Variants in HEXB observed in about 807,000 individuals in gnomAD.
HEXB encodes hexosaminidase subunit beta.
Under a neutral mutation model 71.2 loss-of-function variants are expected in HEXB, and 51 were observed. That is an observed-to-expected ratio of 0.72 (90% CI 0.57 to 0.90). The LOEUF is 0.90. Among genes scored for constraint, HEXB ranks in the 40% least tolerant of loss-of-function variants. The pLI is 0.00. For missense variants in HEXB, 617 were observed against 677.0 expected (o/e 0.91, Z 0.98); for synonymous variants, 266 against 249.3 (o/e 1.07, Z -0.63).
chr5:74,674,170 T>G (rs1224644145), intron 1 of HEXB, among the ~76,000 whole-genome samples: 1 of 152,244 alleles, frequency 6.6e-6, no homozygotes, highest in Non-Finnish European at 1.5e-5. Context: ...TAGGCCATGT[T>G]TCTTTTTGAG....
intron 1 of HEXB, among the ~76,000 whole-genome samples, chr5:74,655,112 AG>A (rs5868749): frequency 0.26 from 39,279 of 151,852 alleles, 5,379 homozygotes; most frequent in Admixed American, 0.37. Flanking sequence ...GCACTGGGAA[AG>A]CCACACTAGT....
At chr5:74,650,581 T>C (rs1748083591) in intron 1 of HEXB, among the ~76,000 whole-genome samples, 1 of 152,156 alleles carries the variant, frequency 6.6e-6, no homozygotes, top group Admixed American at 6.5e-5. Flanking sequence ...GTACTGAGTG[T>C]GCCTCCATGT....
chr5:74,663,721 A>G lies in HEXB; in HGVS notation c.-377+23163A>G, dbSNP rs545802562. 1.4e-3 allele frequency among the ~76,000 whole-genome samples: 220 copies of G among 152,376 alleles called. 3 individuals carry two copies. Among genetic ancestry groups the G allele is most frequent in the Non-Finnish European group, 2.0e-3 (139 of 68,036 alleles). ...GATCAATCCTATCCATTACATATAG[A>G]TCAAGGGGAAAGAAATTAGTGAATT... On this transcript the variant is annotated intron_variant, in intron 1 of 13. Transcript: ENST00000511181.
chr5:74,645,349 G>A (rs1214992869), intron 1 of HEXB, among the ~76,000 whole-genome samples: 1 of 152,138 alleles, frequency 6.6e-6, no homozygotes, highest in African/African-American at 2.4e-5. Context: ...CTGCAAGCGG[G>A]TGCCATGGTA....
chr5:74,715,348 CCTT>C (rs1351409971), intron 7 of HEXB, among the ~76,000 whole-genome samples, 159 bp from the exon 8 acceptor site: 2 of 152,070 alleles, frequency 1.3e-5, no homozygotes, highest in South Asian at 4.1e-4. Flanking sequence ...TTCAGGAAAC[CCTT>C]CTTATCTGGA....
At chr5:74,657,259 C>T (rs1220066733) in intron 1 of HEXB, among the ~76,000 whole-genome samples, 1 of 152,174 alleles carries the variant, frequency 6.6e-6, no homozygotes, top group African/African-American at 2.4e-5. Flanking sequence ...ATCTCTGTTC[C>T]AGCCACACTG....
chr5:74,710,519 G>A (rs530790034), intron 6 of HEXB, among the ~76,000 whole-genome samples: 3,626 of 152,178 alleles, frequency 0.024, 144 homozygotes, highest in African/African-American at 0.083. Context: ...CAGATGACAT[G>A]ATTGTATATC....
chr5:74,657,906 T>G (rs1198601832), intron 1 of HEXB, among the ~76,000 whole-genome samples: 1 of 152,178 alleles, frequency 6.6e-6, no homozygotes, highest in Non-Finnish European at 1.5e-5. Flanking sequence ...AGTCCGGGTT[T>G]TTCAGTCCAC....
At chr5:74,677,609 C>A (rs1748657891) in intron 1 of HEXB, among the ~76,000 whole-genome samples, 1 of 147,714 alleles carries the variant, frequency 6.8e-6, no homozygotes, top group African/African-American at 2.5e-5. Context: ...ATTTAATCTT[C>A]TTCCTTTCCT....
intron 5 of HEXB, among the ~76,000 whole-genome samples, chr5:74,703,878 T>C (rs1385324329): frequency 1.3e-5 from 2 of 152,182 alleles, no homozygotes; most frequent in African/African-American, 2.4e-5. Context: ...AGGGTCTCAC[T>C]ATGTCATGCA....
chr5:74,715,475 C>G lies in HEXB; in HGVS notation c.902-35C>G, dbSNP rs376919263. 6 of 1,430,900 alleles carry G rather than the reference C, an allele frequency of 4.2e-6. No homozygotes were observed. In the African/African-American group the frequency reaches 5.6e-5, roughly 13 times the overall value. 88.6% of individuals were successfully genotyped at this position (1,430,900 alleles called of 1,614,324 possible). A position where few individuals can be genotyped will look rare whatever the true frequency, so the allele number is the denominator to read the frequency against. ...AAACCAGATCTTTATAATGAGTACACTTCTTTTAAAAAGAATCTTAATATT... is the reference window on the plus strand; with the variant it reads ...AAACCAGATCTTTATAATGAGTACAGTTCTTTTAAAAAGAATCTTAATATT... On this transcript the variant is annotated intron_variant, in intron 7 of 13. Coordinates refer to ENST00000261416, the MANE Select transcript of HEXB (RefSeq NM_000521.4).
intron 11 of HEXB, among the ~76,000 whole-genome samples, chr5:74,719,511 A>G (rs1202199581): frequency 6.6e-6 from 1 of 152,216 alleles, no homozygotes; most frequent in Non-Finnish European, 1.5e-5. Context: ...AATTTTGTAC[A>G]TTAGCCTTTA....
chr5:74,676,737 G>C (rs1381647494), intron 1 of HEXB, among the ~76,000 whole-genome samples: 2 of 152,124 alleles, frequency 1.3e-5, no homozygotes, highest in African/African-American at 4.8e-5. Flanking sequence ...CTTCACTCCA[G>C]CCTTCATGAC....
At chr5:74,666,857 A>G (rs1748441230) in intron 1 of HEXB, among the ~76,000 whole-genome samples, 1 of 152,206 alleles carries the variant, frequency 6.6e-6, no homozygotes, top group South Asian at 2.1e-4. Context: ...ACATATATAT[A>G]GGGAAAAGCT....
intron 1 of HEXB, among the ~76,000 whole-genome samples, chr5:74,649,046 A>G (rs1441598500): frequency 6.6e-6 from 1 of 152,226 alleles, no homozygotes; most frequent in Non-Finnish European, 1.5e-5. Context: ...AACCCTACCG[A>G]AAAAGAAAAC....
intron 2 of HEXB, 175 bp downstream of exon 2, chr5:74,689,648 G>A: frequency 3.1e-6 from 2 of 646,772 alleles, no homozygotes; most frequent in Non-Finnish European, 5.5e-6. Flanking sequence ...AGTCTTTGTG[G>A]AAAATTTATT....
intron 1 of HEXB, among the ~76,000 whole-genome samples, chr5:74,664,996 C>T (rs1748407742): frequency 1.3e-5 from 2 of 152,272 alleles, no homozygotes; most frequent in South Asian, 4.2e-4. Flanking sequence ...AAAATAAGAG[C>T]TCATGCCCTT....
intron 1 of HEXB, among the ~76,000 whole-genome samples, chr5:74,672,866 G>T (rs1748564813): frequency 2.0e-5 from 3 of 152,216 alleles, no homozygotes. Context: ...TTTTTAAGAG[G>T]GGTAGGAGAC....
intron 6 of HEXB, among the ~76,000 whole-genome samples, chr5:74,712,714 G>A (rs1292423558): frequency 2.0e-5 from 3 of 152,044 alleles, no homozygotes; most frequent in Admixed American, 1.3e-4. Flanking sequence ...CAATTAATAT[G>A]TCCCTGTATT....
Sources: gnomAD v4.1 joint callset for allele counts (sites outside exome capture counted in the v4.1 genomes callset) on GRCh38, gnomAD v4.1.1 for gene constraint, MANE v1.5 for transcripts, NCBI Gene and HGNC (gene_info 2026-07-23, HGNC 2026-07-21) for gene names.